NTM: variants seen among roughly 807,000 people sequenced by gnomAD.
NTM encodes neurotrimin.
Under a neutral mutation model 42.1 loss-of-function variants are expected in NTM, and 13 were observed. The ratio of observed to expected loss-of-function variants is 0.31; its 90% CI spans 0.20 to 0.49. NTM has a LOEUF of 0.49. Ranked by LOEUF, NTM falls within the 20% of genes least tolerant of loss-of-function variation. The pLI, the probability that NTM is intolerant of heterozygous loss-of-function variation, is 0.99. For synonymous variants in NTM, 187 were observed against 179.2 expected (o/e 1.04, Z -0.35); for missense variants, 373 against 452.8 (o/e 0.82, Z 1.60).
Position 131,749,878 on chromosome 11 carries a change from G to A in NTM, c.83-161686G>A, listed in dbSNP as rs541454436. 1.4e-4 allele frequency among the ~76,000 whole-genome samples: 22 copies of A among 152,304 alleles called. No homozygotes were observed. The South Asian group carries it at 3.3e-3, about 23-fold the overall frequency. The stretch of plus-strand genomic sequence containing the variant: ...GCCTCCCAAAGTGCTGGGATTACAG[G>A]CATCATCGTTTTATGTAGAGGATAC... On this transcript the variant is annotated intron_variant, in intron 1 of 8. Coordinates refer to ENST00000683400, the MANE Select transcript of NTM (RefSeq NM_001352005.2).
chr11:131,376,889 A>G (rs1388277697), intron 1 of NTM, among the ~76,000 whole-genome samples: 2 of 152,296 alleles, frequency 1.3e-5, no homozygotes, highest in East Asian at 3.9e-4. Context: ...GTGTTTATTG[A>G]GTGTCTACTA....
intron 4 of NTM, among the ~76,000 whole-genome samples, chr11:132,278,743 T>TTCTCTCTCTCTCTCTCTCTC (rs66748602): frequency 1.4e-4 from 19 of 138,074 alleles, no homozygotes; most frequent in East Asian, 9.6e-4. Flanking sequence ...TCATTTGGGC[T>TTCTCTCTCTCTCTCTCTCTC]TCTCTCTCTC....
chr11:131,389,221 G>T (rs1943714868), intron 1 of NTM, among the ~76,000 whole-genome samples: 1 of 152,154 alleles, frequency 6.6e-6, no homozygotes, highest in African/African-American at 2.4e-5. Flanking sequence ...TCCTGGGCAG[G>T]TTCCCTGCAG....
intron 2 of NTM, among the ~76,000 whole-genome samples, chr11:132,096,765 C>T (rs1412666598): frequency 1.3e-5 from 2 of 152,072 alleles, no homozygotes; most frequent in African/African-American, 2.4e-5. Context: ...GGAGGGGAGT[C>T]GACATTTACA....
intron 1 of NTM, among the ~76,000 whole-genome samples, chr11:131,740,802 G>A (rs547608184): frequency 2.0e-5 from 3 of 152,244 alleles, no homozygotes; most frequent in South Asian, 2.1e-4. Context: ...ACTGAGGGTC[G>A]GCTGGGCTCA....
intron 2 of NTM, among the ~76,000 whole-genome samples, chr11:132,079,546 A>G (rs894257731): frequency 6.6e-6 from 1 of 152,180 alleles, no homozygotes. Context: ...AGCCATTTTT[A>G]TTGGTAACTT....
At chr11:132,056,780 A>C (rs1484668706) in intron 2 of NTM, among the ~76,000 whole-genome samples, 1 of 152,138 alleles carries the variant, frequency 6.6e-6, no homozygotes, top group South Asian at 2.1e-4. Flanking sequence ...AAATTCTTAC[A>C]CCCACAGAGA....
intron 1 of NTM, among the ~76,000 whole-genome samples, chr11:131,485,766 T>A (rs1954112678): frequency 6.6e-6 from 1 of 152,198 alleles, no homozygotes; most frequent in South Asian, 2.1e-4. Flanking sequence ...CTTGTCTGTA[T>A]GTGCCACATG....
chr11:131,608,058 C>T (rs2061139603), intron 1 of NTM, among the ~76,000 whole-genome samples: 1 of 152,158 alleles, frequency 6.6e-6, no homozygotes, highest in African/African-American at 2.4e-5. Flanking sequence ...CCCCCAACCC[C>T]ACAACAGTCC....
intron 7 of NTM, among the ~76,000 whole-genome samples, chr11:132,319,810 A>C (rs1055650459): frequency 1.3e-5 from 2 of 152,212 alleles, no homozygotes; most frequent in African/African-American, 4.8e-5. Context: ...GAGAACAGGC[A>C]GACTGCCTCC....
intron 1 of NTM, among the ~76,000 whole-genome samples, chr11:131,449,164 C>T (rs1424062548): frequency 1.3e-5 from 2 of 152,184 alleles, no homozygotes; most frequent in African/African-American, 4.8e-5. Context: ...TTTTTCTTCT[C>T]ATCAGCACGG....
At chr11:132,192,159 A>G (rs2079417309) in intron 3 of NTM, among the ~76,000 whole-genome samples, 1 of 152,144 alleles carries the variant, frequency 6.6e-6, no homozygotes, top group Admixed American at 6.5e-5. Flanking sequence ...CAAGAAATTG[A>G]GAGAACCCCT....
At chr11:131,937,357 A>C (rs1349299618) in intron 2 of NTM, among the ~76,000 whole-genome samples, 1 of 152,228 alleles carries the variant, frequency 6.6e-6, no homozygotes, top group Non-Finnish European at 1.5e-5. Context: ...TCTATTAGAC[A>C]GATATGACAG....
At chr11:131,942,596 G>T (rs1212890102) in intron 2 of NTM, among the ~76,000 whole-genome samples, 1 of 152,156 alleles carries the variant, frequency 6.6e-6, no homozygotes, top group African/African-American at 2.4e-5. Flanking sequence ...TGAAAAGTCT[G>T]TGGATCCAGG....
At chr11:132,225,418 C>T (rs745874499) in intron 4 of NTM, among the ~76,000 whole-genome samples, 3 of 152,012 alleles carry the variant, frequency 2.0e-5, no homozygotes, top group South Asian at 2.1e-4. Context: ...GAGACCCAAG[C>T]GAGATGAGAC....
intron 1 of NTM, among the ~76,000 whole-genome samples, chr11:131,486,999 C>T (rs944351607): frequency 3.9e-5 from 6 of 152,104 alleles, no homozygotes; most frequent in East Asian, 1.9e-4. Flanking sequence ...TGTAATGCCA[C>T]CAGTTCTTCA....
At chr11:132,306,002 A>G (rs2095064020) in intron 4 of NTM, among the ~76,000 whole-genome samples, 1 of 152,310 alleles carries the variant, frequency 6.6e-6, no homozygotes, top group East Asian at 1.9e-4. Context: ...GAGGCAAGAA[A>G]CCGTCTGTAC....
At chr11:131,456,453 C>T (rs577141827) in intron 1 of NTM, among the ~76,000 whole-genome samples, 17 of 152,292 alleles carry the variant, frequency 1.1e-4, no homozygotes, top group African/African-American at 4.1e-4. Flanking sequence ...ACTGCCCTCC[C>T]TCCTTCGTTC....
intron 4 of NTM, among the ~76,000 whole-genome samples, chr11:132,271,714 C>G (rs12802777): frequency 0.34 from 50,097 of 148,646 alleles, 8,577 homozygotes; most frequent in African/African-American, 0.38. Context: ...CTGTTTAGAA[C>G]TTTAGCCCAT....
Sources: allele counts gnomAD v4.1 joint callset (sites outside exome capture counted in the v4.1 genomes callset), GRCh38; gene constraint gnomAD v4.1.1; transcripts MANE v1.5; gene names NCBI Gene and HGNC (gene_info 2026-07-23, HGNC 2026-07-21).